SMARCD3: variants seen among roughly 807,000 people sequenced by gnomAD.
The protein encoded by SMARCD3 is SWI/SNF-related matrix-associated actin-dependent regulator of chromatin subfamily D member 3.
A neutral mutation model predicts 58.0 loss-of-function variants in SMARCD3; 14 were observed. That is an observed-to-expected ratio of 0.24 (90% CI 0.16 to 0.38). The LOEUF is 0.38. Ranked by LOEUF, SMARCD3 falls within the 10% of genes least tolerant of loss-of-function variation. The pLI is 1.00. For missense variants in SMARCD3, 408 were observed against 636.9 expected, an observed-to-expected ratio of 0.64 and a Z score of 3.87; for synonymous variants, 253 against 253.8, an observed-to-expected ratio of 1.00 and a Z score of 0.03.
intron 10 of SMARCD3, 73 bp downstream of exon 10, chr7:151,240,039 C>A (rs1802888039): frequency 4.0e-6 from 6 of 1,518,952 alleles, no homozygotes; most frequent in Admixed American, 1.7e-5. Context: ...TGCAACCACA[C>A]CCTGGTCTCA....
exon 2 of SMARCD3, chr7:151,275,181 C>T (rs757020892): frequency 6.2e-7 from 1 of 1,606,704 alleles, no homozygotes; most frequent in Non-Finnish European, 8.5e-7. Context: ...CCTGGAGAGT[C>T]ATCCAGTGCC....
chr7:151,256,651 C>A (rs947040728), intron 2 of SMARCD3, among the ~76,000 whole-genome samples: 1 of 152,194 alleles, frequency 6.6e-6, no homozygotes, highest in Non-Finnish European at 1.5e-5. Flanking sequence ...TCTCACAGCA[C>A]AGTCACAAAT....
chr7:151,275,766 T>C (rs1343870329), intron 1 of SMARCD3, among the ~76,000 whole-genome samples: 2 of 152,176 alleles, frequency 1.3e-5, no homozygotes, highest in Non-Finnish European at 1.5e-5. Context: ...CTCTGTCCTG[T>C]CCTGCCCTGC....
Position 151,242,711 on chromosome 7 carries a change from AC to A in SMARCD3, c.456+9del, listed in dbSNP as rs763767815. 2.1e-5 allele frequency: 34 copies of A among 1,613,890 alleles called. No individual in the cohort carries two copies. The African/African-American group carries it at 4.1e-4, about 20-fold the overall frequency. ...TCTAGAGTCCCCTTCCTACCCCCGAACTAAGGCACCTTCATGGGCCTCTTCA... is the reference window on the plus strand; with the variant it reads ...TCTAGAGTCCCCTTCCTACCCCCGAATAAGGCACCTTCATGGGCCTCTTCA... On this transcript the variant is annotated intron_variant, in intron 4 of 12. Coordinates refer to ENST00000262188, the MANE Select transcript of SMARCD3 (RefSeq NM_001003801.2). This position sits in a 1 kb window ranked among gnomAD's most constrained non-coding sequence, Gnocchi z 4.7.
intron 2 of SMARCD3, among the ~76,000 whole-genome samples, chr7:151,244,838 CAGGGG>C (rs1803177240): frequency 6.6e-6 from 1 of 152,236 alleles, no homozygotes; most frequent in South Asian, 2.1e-4. Flanking sequence ...CAGGAGCCAG[CAGGGG>C]CTTTGAGGGT....
chr7:151,245,772 A>G lies in SMARCD3; in HGVS notation c.79-101T>C. 1 of 381,836 alleles carries G rather than the reference A, an allele frequency of 2.6e-6. No individual in the cohort carries two copies. The allele number at this position is 381,836 out of a possible 1,614,324, so 23.7% of individuals were successfully genotyped here. Reference sequence around the variant, plus strand: ...GCCGGCGTCTCCCCTCCCCCACCAGACCCTCGGCTGGTGACCCTGAGCGTT... The same window carrying G: ...GCCGGCGTCTCCCCTCCCCCACCAGGCCCTCGGCTGGTGACCCTGAGCGTT... On this transcript the variant is annotated intron_variant, in intron 1 of 12. Transcript: ENST00000262188. This position sits in a 1 kb window ranked among gnomAD's most constrained non-coding sequence, Gnocchi z 6.2.
chr7:151,245,673 TG>T lies in SMARCD3; in HGVS notation c.79-3del, dbSNP rs1366847304. The T allele has an allele frequency of 2.0e-5, 10 of 508,644 alleles. No homozygotes were observed. Among genetic ancestry groups the T allele is most frequent in the African/African-American group, 8.6e-5 (4 of 46,782 alleles). The allele number at this position is 508,644 out of a possible 1,614,324, so 31.5% of individuals were successfully genotyped here. A position where few individuals can be genotyped will look rare whatever the true frequency, so the allele number is the denominator to read the frequency against. Reference sequence around the variant, plus strand: ...GGCTCCAGACGGCATCCCGGGGCGCTGGGGGTGGGCGGGGGTGAAGCAGAAA... The same window carrying T: ...GGCTCCAGACGGCATCCCGGGGCGCTGGGGTGGGCGGGGGTGAAGCAGAAA... On this transcript the variant is annotated splice_polypyrimidine_tract_variant and splice_region_variant and intron_variant, in intron 1 of 12. Transcript: ENST00000262188. This position sits in a 1 kb window ranked among gnomAD's most constrained non-coding sequence, Gnocchi z 6.2.
At position 151,245,568 on chromosome 7, in the gene SMARCD3, G is replaced by A; in HGVS notation, c.182C>T (p.Ala61Val). Residue 61 changes from alanine to valine, a missense_variant, in exon 2 of 13, where the codon GCC becomes GTC. Physicochemically the swap from Ala to Val is moderately conservative, Grantham distance 64. Coordinates refer to ENST00000262188, the MANE Select transcript of SMARCD3 (RefSeq NM_001003801.2). This position sits in a 1 kb window ranked among gnomAD's most constrained non-coding sequence, Gnocchi z 6.2. ...MGSPAVRPGL[A>V]PAGMEPARKR... ...GCGGGCGGGCTCCATGCCCGCGGGG[G>A]CCAGGCCGGGTCGCACGGCGGGGCT... 1 of 1,172,652 alleles carries A rather than the reference G, an allele frequency of 8.5e-7. No individual in the cohort carries two copies. The highest frequency in any genetic ancestry group is 1.1e-6 in the Non-Finnish European group (1 of 935,218). The allele number at this position is 1,172,652 out of a possible 1,614,324, so 72.6% of individuals were successfully genotyped here.
At chr7:151,250,707 G>A (rs569582091), upstream of SMARCD3, among the ~76,000 whole-genome samples, 2 of 152,122 alleles carry the variant, frequency 1.3e-5, no homozygotes, top group South Asian at 2.1e-4. Flanking sequence ...CTGGCCTGAC[G>A]TGCACTGTGC....
At chr7:151,277,107 G>T (rs1358161299), upstream of SMARCD3, 3 of 150,286 alleles carry the variant, frequency 2.0e-5, no homozygotes, top group Non-Finnish European at 4.4e-5. Context: ...CCCGGAGCGC[G>T]GCCGCCCGCT....
chr7:151,257,892 G>T (rs551550682), intron 2 of SMARCD3, among the ~76,000 whole-genome samples: 8 of 152,146 alleles, frequency 5.3e-5, no homozygotes, highest in African/African-American at 1.9e-4. Flanking sequence ...GTTTCCTCCA[G>T]CCCGGTCCTC....
intron 2 of SMARCD3, among the ~76,000 whole-genome samples, chr7:151,272,054 T>C (rs1290330755): frequency 9.9e-5 from 15 of 152,162 alleles, no homozygotes; most frequent in Non-Finnish European, 2.2e-4. Flanking sequence ...TACCAGTAGG[T>C]TTATGGCTGG....
At chr7:151,273,126 T>C (rs972085776) in intron 2 of SMARCD3, among the ~76,000 whole-genome samples, 1 of 152,224 alleles carries the variant, frequency 6.6e-6, no homozygotes, top group African/African-American at 2.4e-5. Context: ...ACACCGCCGA[T>C]TGCATGTGAA....
rs773534780 is a variant in SMARCD3 at position 151,241,435 on chromosome 7, C to G, written c.939+57G>C. 5 of 1,475,196 alleles carry G rather than the reference C, an allele frequency of 3.4e-6. No homozygotes were observed. In the Admixed American group the frequency reaches 9.2e-5, roughly 27 times the overall value. 91.4% of individuals were successfully genotyped at this position (1,475,196 alleles called of 1,614,324 possible). A position where few individuals can be genotyped will look rare whatever the true frequency, so the allele number is the denominator to read the frequency against. On this transcript the variant is annotated intron_variant, in intron 8 of 12. Transcript: ENST00000262188. The surrounding 1 kb of genome is among the most constrained non-coding windows in gnomAD (Gnocchi z 5.3). ...GGTAGTTACCTTGGTAGAGGTACTT[C>G]CCCTGCTGGAGAACTCCGCCTGCTC...
At chr7:151,251,255 C>T (rs1464261716), upstream of SMARCD3, among the ~76,000 whole-genome samples, 1 of 152,088 alleles carries the variant, frequency 6.6e-6, no homozygotes, top group Non-Finnish European at 1.5e-5. Flanking sequence ...CTGAGCCACC[C>T]CTCTGGGAGA....
Position 151,245,628 on chromosome 7 carries a change from GC to G in SMARCD3, c.121del (p.Ala41ArgfsTer107), listed in dbSNP as rs1295681963. 4 of 1,181,578 alleles carry G rather than the reference GC, an allele frequency of 3.4e-6. No homozygotes were observed. The highest frequency in any genetic ancestry group is 4.2e-6 in the Non-Finnish European group (4 of 942,774). 73.2% of individuals were successfully genotyped at this position (1,181,578 alleles called of 1,614,324 possible). A position where few individuals can be genotyped will look rare whatever the true frequency, so the allele number is the denominator to read the frequency against. Reference protein sequence around the residue: ...PSGARMPHQGAPMGPPGSPYM... With the variant: ...PSGARMPHQGXPMGPPGSPYM... ...CGGGGAGCCCGGGGGGCCCATGGGC[GC>G]CCCCTGGTGGGGCATCCGGGCTCCA... is the stretch of plus-strand genomic sequence containing the variant. On this transcript the variant is annotated frameshift_variant, in exon 2 of 13. Coordinates refer to ENST00000262188, the MANE Select transcript of SMARCD3 (RefSeq NM_001003801.2). LOFTEE classifies it high-confidence loss of function. The surrounding 1 kb of genome is among the most constrained non-coding windows in gnomAD (Gnocchi z 6.2).
chr7:151,272,746 T>C (rs1309381975), intron 2 of SMARCD3, among the ~76,000 whole-genome samples: 2 of 152,112 alleles, frequency 1.3e-5, no homozygotes, highest in Admixed American at 1.3e-4. Context: ...TCACCAAGGA[T>C]TCCCACACCC....
chr7:151,239,206 T>C lies in SMARCD3; in HGVS notation c.1399-50A>G. ...CAGGTGTCAGTGTTCTGGTGAGTGATCAGGACAATCCCACCTACTGACACC... is the reference window on the plus strand; with the variant it reads ...CAGGTGTCAGTGTTCTGGTGAGTGACCAGGACAATCCCACCTACTGACACC... On this transcript the variant is annotated intron_variant, in intron 12 of 12. Coordinates refer to ENST00000262188, the MANE Select transcript of SMARCD3 (RefSeq NM_001003801.2). The surrounding 1 kb of genome is among the most constrained non-coding windows in gnomAD (Gnocchi z 7.0). 1 of 1,583,502 alleles carries C rather than the reference T, an allele frequency of 6.3e-7. No homozygotes were observed.
At position 151,245,795 on chromosome 7, in the gene SMARCD3, G is replaced by A. The variant is rs1803231482; in HGVS notation, c.79-124C>T. ...AGACCCTCGGCTGGTGACCCTGAGC[G>A]TTGAGCGATGGGTGGGAGCGATGGG... On this transcript the variant is annotated intron_variant, in intron 1 of 12. Transcript: ENST00000262188. The surrounding 1 kb of genome is among the most constrained non-coding windows in gnomAD (Gnocchi z 6.2). The A allele has an allele frequency of 2.6e-6, 1 of 381,564 alleles. No homozygotes were observed. Among genetic ancestry groups the A allele is most frequent in the Non-Finnish European group, 4.6e-6 (1 of 215,310 alleles). 23.6% of individuals were successfully genotyped at this position (381,564 alleles called of 1,614,324 possible).
Sources: gnomAD v4.1 joint callset for allele counts (sites outside exome capture counted in the v4.1 genomes callset) on GRCh38, gnomAD v4.1.1 for gene constraint, Gnocchi (gnomAD v3.1) non-coding constraint, MANE v1.5 for transcripts, NCBI Gene and HGNC (gene_info 2026-07-23, HGNC 2026-07-21) for gene names.